The following KCNAB1 variants were observed in gnomAD, a reference collection of about 807,000 sequenced individuals.
KCNAB1 encodes the protein potassium voltage-gated channel subfamily A regulatory beta subunit 1.
A neutral mutation model predicts 64.6 loss-of-function variants in KCNAB1; 35 were observed. That is an observed-to-expected ratio of 0.54 (90% CI 0.41 to 0.72). KCNAB1 has a LOEUF of 0.72. KCNAB1 is among the 30% of genes least tolerant of loss of function. The pLI, the probability that KCNAB1 is intolerant of heterozygous loss-of-function variation, is 0.00. For missense variants in KCNAB1, 401 were observed against 512.9 expected, an observed-to-expected ratio of 0.78 and a Z score of 2.11; for synonymous variants, 177 against 183.8, an observed-to-expected ratio of 0.96 and a Z score of 0.30.
intron 1 of KCNAB1, among the ~76,000 whole-genome samples, chr3:156,127,116 T>C (rs1213955842): frequency 6.6e-6 from 1 of 151,784 alleles, no homozygotes; most frequent in Admixed American, 6.6e-5. Context: ...TCAATTTTGG[T>C]GCTCACCTCT....
chr3:156,321,138 G>A (rs1722633457), intron 1 of KCNAB1, among the ~76,000 whole-genome samples: 1 of 152,154 alleles, frequency 6.6e-6, no homozygotes, highest in Non-Finnish European at 1.5e-5. Flanking sequence ...TGTCTGTAGT[G>A]CACACTTTTC....
At chr3:156,165,210 G>A (rs1711506507) in intron 1 of KCNAB1, among the ~76,000 whole-genome samples, 1 of 147,292 alleles carries the variant, frequency 6.8e-6, no homozygotes. Context: ...CCCGGGAGGC[G>A]GAGCTTGCAG....
At chr3:156,147,003 G>T (rs116817036) in intron 1 of KCNAB1, among the ~76,000 whole-genome samples, 1,937 of 152,170 alleles carry the variant, frequency 0.013, 18 homozygotes, top group Non-Finnish European at 0.02. Context: ...GAACTCAAAT[G>T]CATATAATTG....
chr3:156,250,198 G>A (rs1222726758), intron 1 of KCNAB1, among the ~76,000 whole-genome samples: 1 of 152,158 alleles, frequency 6.6e-6, no homozygotes, highest in Non-Finnish European at 1.5e-5. Flanking sequence ...GAGAAGGGAA[G>A]AGCAGAAGGA....
chr3:156,200,136 G>A (rs1714229892), intron 1 of KCNAB1, among the ~76,000 whole-genome samples: 1 of 152,130 alleles, frequency 6.6e-6, no homozygotes, highest in Non-Finnish European at 1.5e-5. Context: ...TGTTTGCCTG[G>A]GTATCACCAG....
intron 1 of KCNAB1, among the ~76,000 whole-genome samples, chr3:156,408,778 T>G (rs564482030): frequency 2.7e-5 from 4 of 150,532 alleles, no homozygotes; most frequent in African/African-American, 9.8e-5. Flanking sequence ...AGACTCCATC[T>G]CCATAAAAAA....
intron 11 of KCNAB1, among the ~76,000 whole-genome samples, chr3:156,518,666 CA>C (rs1354508682): frequency 2.0e-5 from 3 of 152,118 alleles, no homozygotes; most frequent in Non-Finnish European, 2.9e-5. Context: ...TACTGAACTG[CA>C]ATTGAAGGAT....
intron 1 of KCNAB1, among the ~76,000 whole-genome samples, chr3:156,395,411 G>A (rs916595337): frequency 2.0e-5 from 3 of 149,114 alleles, no homozygotes; most frequent in Non-Finnish European, 4.5e-5. Context: ...CGGGCGTAGT[G>A]GCGGGCGCCT....
At chr3:156,173,438 A>C (rs1390961704) in intron 1 of KCNAB1, among the ~76,000 whole-genome samples, 2 of 152,216 alleles carry the variant, frequency 1.3e-5, no homozygotes, top group Non-Finnish European at 2.9e-5. Context: ...TGTTAAACAC[A>C]CTGGAAATGG....
chr3:156,537,875 C>T lies in KCNAB1; in HGVS notation c.*1128C>T, dbSNP rs1719164423. The stretch of plus-strand genomic sequence containing the variant: ...TGGCTTTGTGAAAAATGCTATGTCA[C>T]TATTCAGAATATGCTGGGTAAATTG... On this transcript the variant is annotated 3_prime_UTR_variant, in exon 14 of 14. Coordinates refer to ENST00000490337, the MANE Select transcript of KCNAB1 (RefSeq NM_172160.3). 6.6e-6 allele frequency: 1 copy of T among 152,378 alleles called. No homozygotes were observed. The highest frequency in any genetic ancestry group is 2.1e-4 in the South Asian group (1 of 4,826). 9.4% of individuals were successfully genotyped at this position (152,378 alleles called of 1,614,324 possible).
chr3:156,487,980 T>C (rs1320081418), intron 8 of KCNAB1, among the ~76,000 whole-genome samples: 2 of 152,066 alleles, frequency 1.3e-5, no homozygotes, highest in East Asian at 3.9e-4. Flanking sequence ...AGAGATCAAA[T>C]GTTGCAAGAC....
chr3:156,327,401 A>G (rs757175510), intron 1 of KCNAB1, among the ~76,000 whole-genome samples: 6 of 152,178 alleles, frequency 3.9e-5, no homozygotes, highest in Non-Finnish European at 7.4e-5. Flanking sequence ...GAGATAGATC[A>G]GGATATATTA....
At chr3:156,469,994 T>C (rs1055223653) in intron 7 of KCNAB1, among the ~76,000 whole-genome samples, 3 of 152,216 alleles carry the variant, frequency 2.0e-5, no homozygotes, top group Non-Finnish European at 2.9e-5. Flanking sequence ...AGAAGTACCA[T>C]TAGAGGATAA....
intron 1 of KCNAB1, among the ~76,000 whole-genome samples, chr3:156,286,835 C>A (rs778224054): frequency 6.6e-6 from 1 of 152,120 alleles, no homozygotes; most frequent in Non-Finnish European, 1.5e-5. Flanking sequence ...TGGGTAAGAA[C>A]CAAGTCTCTG....
chr3:156,461,834 A>G (rs183082587), intron 5 of KCNAB1, among the ~76,000 whole-genome samples: 74 of 152,326 alleles, frequency 4.9e-4, no homozygotes, highest in Non-Finnish European at 9.9e-4. Context: ...TCAAGCTATT[A>G]TTATACTCCA....
At chr3:156,249,580 GA>G (rs1240749018) in intron 1 of KCNAB1, among the ~76,000 whole-genome samples, 1 of 148,948 alleles carries the variant, frequency 6.7e-6, no homozygotes, top group African/African-American at 2.5e-5. Context: ...AGAAAAAAAA[GA>G]AAAAAAAAGA....
intron 13 of KCNAB1, among the ~76,000 whole-genome samples, chr3:156,533,395 G>A (rs892624254): frequency 6.6e-4 from 101 of 152,172 alleles, no homozygotes; most frequent in African/African-American, 2.3e-3. Flanking sequence ...AAGGCCCTGA[G>A]ATGGGAAAGA....
At chr3:156,244,532 AGGTAATGACTTCCTT>A (rs543992018) in intron 1 of KCNAB1, among the ~76,000 whole-genome samples, 139 of 152,346 alleles carry the variant, frequency 9.1e-4, no homozygotes, top group African/African-American at 3.2e-3. Flanking sequence ...CTGCCACAGT[AGGTAATGACTTCCTT>A]GGATCCTCTG....
intron 2 of KCNAB1, among the ~76,000 whole-genome samples, chr3:156,427,595 A>C (rs1378523144): frequency 2.6e-5 from 4 of 152,252 alleles, no homozygotes; most frequent in Non-Finnish European, 5.9e-5. Context: ...ACTGAATAAT[A>C]GCAAGGATGC....
Sources: gnomAD v4.1 joint callset for allele counts (sites outside exome capture counted in the v4.1 genomes callset) on GRCh38, gnomAD v4.1.1 for gene constraint, MANE v1.5 for transcripts, NCBI Gene and HGNC (gene_info 2026-07-23, HGNC 2026-07-21) for gene names.